PPIP5K2: variants seen among roughly 807,000 people sequenced by gnomAD.
PPIP5K2 encodes diphosphoinositol pentakisphosphate kinase 2.
In PPIP5K2, 105 loss-of-function variants were observed where a neutral mutation model predicts 154.6. The ratio of observed to expected loss-of-function variants is 0.68; its 90% CI spans 0.58 to 0.80. The LOEUF (loss-of-function observed/expected upper bound fraction) is 0.80. Ranked by LOEUF, PPIP5K2 falls within the 30% of genes least tolerant of loss-of-function variation. The pLI is 0.00. For synonymous variants in PPIP5K2, 480 were observed against 490.3 expected, an observed-to-expected ratio of 0.98 and a Z score of 0.28; for missense variants, 992 against 1,504.6, an observed-to-expected ratio of 0.66 and a Z score of 5.64.
chr5:103,137,234 C>T (rs1336775649), intron 4 of PPIP5K2, among the ~76,000 whole-genome samples: 5 of 150,266 alleles, frequency 3.3e-5, no homozygotes, highest in African/African-American at 1.2e-4. Context: ...GGGATCTCAG[C>T]TCACTGCAAG....
At chr5:103,134,263 A>C (rs1554203526) in intron 3 of PPIP5K2, among the ~76,000 whole-genome samples, 1 of 152,186 alleles carries the variant, frequency 6.6e-6, no homozygotes, top group Non-Finnish European at 1.5e-5. Flanking sequence ...ACTTCAGCTT[A>C]AGTATTATGT....
intron 17 of PPIP5K2, among the ~76,000 whole-genome samples, chr5:103,160,303 A>G (rs879961100): frequency 1.3e-5 from 2 of 152,118 alleles, no homozygotes; most frequent in Non-Finnish European, 2.9e-5. Flanking sequence ...TTGTTGGATC[A>G]TATGGTTTTT....
At chr5:103,188,851 G>A (rs1800790632) in intron 28 of PPIP5K2, 1 of 233,794 alleles carries the variant, frequency 4.3e-6, no homozygotes, top group South Asian at 1.7e-4. Context: ...TATTCCTTTG[G>A]TTTAGGCTCT....
intron 7 of PPIP5K2, among the ~76,000 whole-genome samples, chr5:103,148,716 G>C (rs1562409828): frequency 6.6e-6 from 1 of 151,892 alleles, no homozygotes; most frequent in Non-Finnish European, 1.5e-5. Context: ...ACATCATGCT[G>C]TTCATGCCTC....
chr5:103,160,132 A>C lies in PPIP5K2; in HGVS notation c.1920+804A>C, dbSNP rs920992923. ...TTTTAAGGCTAGATGATGATACTTC[A>C]TCTTGTATATATACTACACTTTCTT... On this transcript the variant is annotated intron_variant, in intron 17 of 30. Coordinates refer to ENST00000358359, the MANE Select transcript of PPIP5K2 (RefSeq NM_001276277.3). Among the ~76,000 whole-genome samples the C allele has an allele frequency of 2.6e-5, 4 of 152,276 alleles. No individual in the cohort carries two copies. The South Asian group carries it at 8.3e-4, about 32-fold the overall frequency.
At chr5:103,158,165 T>G in intron 14 of PPIP5K2, 23 bp from the exon 15 acceptor site, 1 of 1,605,654 alleles carries the variant, frequency 6.2e-7, no homozygotes, top group East Asian at 2.2e-5. Context: ...AACATTTGTT[T>G]TATTCATTCA....
At chr5:103,136,986 T>C (rs1052064705) in intron 4 of PPIP5K2, among the ~76,000 whole-genome samples, 164 bp downstream of exon 4, 1 of 152,188 alleles carries the variant, frequency 6.6e-6, no homozygotes, top group African/African-American at 2.4e-5. Flanking sequence ...AGATGAGGAA[T>C]CTTGATAATT....
intron 19 of PPIP5K2, among the ~76,000 whole-genome samples, 190 bp downstream of exon 19, chr5:103,168,485 AAT>A (rs1251940236): frequency 6.6e-6 from 1 of 151,884 alleles, no homozygotes; most frequent in Non-Finnish European, 1.5e-5. Context: ...TTGATTTTCT[AAT>A]AGTTTGACTA....
chr5:103,212,704 A>G lies in PPIP5K2; in HGVS notation c.*11070A>G, dbSNP rs1562533661. On this transcript the variant is annotated 3_prime_UTR_variant, in exon 31 of 31. Transcript: ENST00000358359. ...TGTGTATGTTATAAAAGCTTTGTAA[A>G]ATAAAGTGATGTTAAGCTACTATTG... 6.6e-6 allele frequency: 1 copy of G among 152,130 alleles called. No individual in the cohort carries two copies. Among genetic ancestry groups the G allele is most frequent in the East Asian group, 1.9e-4 (1 of 5,206 alleles). The allele number at this position is 152,130 out of a possible 1,614,324, so 9.4% of individuals were successfully genotyped here. A position where few individuals can be genotyped will look rare whatever the true frequency, so the allele number is the denominator to read the frequency against.
chr5:103,184,316 T>G (rs1800019482), intron 25 of PPIP5K2: 1 of 176,478 alleles, frequency 5.7e-6, no homozygotes, highest in Admixed American at 5.9e-5. Flanking sequence ...GTCCTTTCTT[T>G]TGTTTGTAGT....
chr5:103,172,652 A>G (rs1798134114), intron 19 of PPIP5K2, among the ~76,000 whole-genome samples: 1 of 151,778 alleles, frequency 6.6e-6, no homozygotes, highest in African/African-American at 2.4e-5. Context: ...ATGTCATTAA[A>G]TTTGATAATT....
chr5:103,140,706 G>A (rs950874511), intron 5 of PPIP5K2, among the ~76,000 whole-genome samples: 6 of 151,186 alleles, frequency 4.0e-5, no homozygotes, highest in African/African-American at 1.5e-4. Context: ...GCGCAGTGGC[G>A]GGCGCCTGTA....
At chr5:103,157,848 A>G (rs959109114) in intron 14 of PPIP5K2, among the ~76,000 whole-genome samples, 7 of 152,230 alleles carry the variant, frequency 4.6e-5, no homozygotes, top group Non-Finnish European at 7.3e-5. Flanking sequence ...CAGCAGACAT[A>G]GCACAACTAA....
rs1306436129 is a variant in PPIP5K2 at position 103,122,419 on chromosome 5, G to A, written c.-285+1931G>A. ...AATGGCGGATAGGAACTTTCAAGGA[G>A]AGCAGTGAATTCCAGGCAGAAGGAA... On this transcript the variant is annotated intron_variant, in intron 1 of 30. Transcript: ENST00000358359. 2.0e-5 allele frequency among the ~76,000 whole-genome samples: 3 copies of A among 152,166 alleles called. No individual in the cohort carries two copies. The East Asian group carries it at 5.8e-4, about 29-fold the overall frequency.
At chr5:103,141,348 C>T (rs1554206648) in intron 5 of PPIP5K2, among the ~76,000 whole-genome samples, 1 of 152,136 alleles carries the variant, frequency 6.6e-6, no homozygotes, top group East Asian at 1.9e-4. Context: ...AGTGAAGCTG[C>T]AGACCTTCGC....
chr5:103,142,746 A>C lies in PPIP5K2; in HGVS notation c.488-3781A>C, dbSNP rs546513357. ...AGCCAAGATGGCGCCACTGCACTCCAGCCTGGGCGAGTGAGCAAGACTCCG... is the reference window on the plus strand; with the variant it reads ...AGCCAAGATGGCGCCACTGCACTCCCGCCTGGGCGAGTGAGCAAGACTCCG... On this transcript the variant is annotated intron_variant, in intron 5 of 30. Coordinates refer to ENST00000358359, the MANE Select transcript of PPIP5K2 (RefSeq NM_001276277.3). 7.8e-3 allele frequency among the ~76,000 whole-genome samples: 1,167 copies of C among 149,320 alleles called. 20 individuals are homozygous for C. The highest frequency in any genetic ancestry group is 0.038 in the South Asian group (179 of 4,664).
intron 29 of PPIP5K2, among the ~76,000 whole-genome samples, chr5:103,191,259 T>C (rs558902114): frequency 8.9e-4 from 136 of 152,162 alleles, no homozygotes; most frequent in Non-Finnish European, 6.6e-4. Flanking sequence ...TGGTCTTTTG[T>C]TAAAACTATG....
chr5:103,186,236 G>C, intron 26 of PPIP5K2, 84 bp from the exon 27 acceptor site: 1 of 1,564,342 alleles, frequency 6.4e-7, no homozygotes, highest in Non-Finnish European at 8.7e-7. Flanking sequence ...TGTGGTAAGA[G>C]CCATGTTAAT....
chr5:103,152,870 A>G, intron 10 of PPIP5K2, 121 bp downstream of exon 10: 1 of 612,524 alleles, frequency 1.6e-6, no homozygotes. Context: ...CATATGATTC[A>G]GCTTGAAGAT....
Sources: gnomAD v4.1 joint callset for allele counts (sites outside exome capture counted in the v4.1 genomes callset) on GRCh38, gnomAD v4.1.1 for gene constraint, MANE v1.5 for transcripts, NCBI Gene and HGNC (gene_info 2026-07-23, HGNC 2026-07-21) for gene names.